The following CHRM2 variants were observed in gnomAD, a reference collection of about 807,000 sequenced individuals.
The protein encoded by CHRM2 is muscarinic acetylcholine receptor M2.
A neutral mutation model predicts 25.0 loss-of-function variants in CHRM2; 8 were observed. The ratio of observed to expected loss-of-function variants is 0.32; its 90% CI spans 0.19 to 0.58. The LOEUF is 0.58. Ranked by LOEUF, CHRM2 falls within the 20% of genes least tolerant of loss-of-function variation. The probability of loss-of-function intolerance (pLI) is 0.88; values close to 1 mark genes in which losing one functional copy is unlikely to be tolerated. For missense variants in CHRM2, 440 were observed against 567.1 expected (o/e 0.78, Z 2.28); for synonymous variants, 202 against 205.7 (o/e 0.98, Z 0.15).
chr7:136,878,832 A>G (rs2130491972), intron 2 of CHRM2, among the ~76,000 whole-genome samples: 1 of 151,966 alleles, frequency 6.6e-6, no homozygotes, highest in East Asian at 1.9e-4. Context: ...ATCAGTTTTT[A>G]ATGTTTTTTG....
chr7:136,999,996 T>C (rs1388697123), intron 3 of CHRM2, among the ~76,000 whole-genome samples: 1 of 152,008 alleles, frequency 6.6e-6, no homozygotes, highest in Non-Finnish European at 1.5e-5. Context: ...CATGAATATG[T>C]TTTCTAAATA....
chr7:136,901,628 C>T (rs182488663), intron 2 of CHRM2, among the ~76,000 whole-genome samples: 411 of 151,950 alleles, frequency 2.7e-3, no homozygotes, highest in Non-Finnish European at 4.5e-3. Flanking sequence ...TCCCCCATTT[C>T]CATTGTTATT....
In CHRM2 at chr7:137,009,032, C is replaced by T. The variant is rs189357480; in HGVS notation, c.-46-5788C>T. Among the ~76,000 whole-genome samples, 184 of 152,084 alleles carry T rather than the reference C, an allele frequency of 1.2e-3. 2 individuals carry two copies. The highest frequency in any genetic ancestry group is 2.8e-4 in the Non-Finnish European group (19 of 67,970). ...AAGATAATAGTCATTCTTTTCAGGG[C>T]TATTGTGAGAATTAAATAAAATAAC... On this transcript the variant is annotated intron_variant, in intron 3 of 3. Coordinates refer to ENST00000680005, the MANE Select transcript of CHRM2 (RefSeq NM_001006630.2).
chr7:136,967,053 A>G (rs1429936032), intron 2 of CHRM2, among the ~76,000 whole-genome samples: 6 of 151,876 alleles, frequency 4.0e-5, no homozygotes, highest in Non-Finnish European at 7.4e-5. Flanking sequence ...GATTCACAAG[A>G]AAAAAATTCA....
intron 2 of CHRM2, among the ~76,000 whole-genome samples, chr7:136,910,062 T>C (rs1419948991): frequency 3.3e-5 from 5 of 151,508 alleles, no homozygotes; most frequent in African/African-American, 7.3e-5. Flanking sequence ...TTAGCCAAGG[T>C]GAGGGGTTGG....
At chr7:136,924,552 C>T (rs576208705) in intron 2 of CHRM2, among the ~76,000 whole-genome samples, 4 of 152,160 alleles carry the variant, frequency 2.6e-5, no homozygotes, top group African/African-American at 7.2e-5. Flanking sequence ...CTATTAAATA[C>T]CACCCCGCTG....
chr7:136,974,968 T>A (rs545285646), intron 2 of CHRM2, among the ~76,000 whole-genome samples: 2 of 152,134 alleles, frequency 1.3e-5, no homozygotes, highest in South Asian at 4.1e-4. Flanking sequence ...AAAGAAATAG[T>A]ATGTTATGGG....
chr7:136,926,281 T>A (rs1798745831), intron 2 of CHRM2, among the ~76,000 whole-genome samples: 1 of 151,878 alleles, frequency 6.6e-6, no homozygotes, highest in African/African-American at 2.4e-5. Flanking sequence ...TAAATAAAAA[T>A]TTAAAATTAA....
chr7:136,887,735 G>A (rs1224913526), intron 2 of CHRM2, among the ~76,000 whole-genome samples: 1 of 152,132 alleles, frequency 6.6e-6, no homozygotes, highest in Admixed American at 6.5e-5. Flanking sequence ...CTCAGAAAAG[G>A]AGATAAAGAA....
intron 2 of CHRM2, among the ~76,000 whole-genome samples, chr7:136,917,561 C>T (rs993027462): frequency 1.3e-5 from 2 of 152,004 alleles, no homozygotes; most frequent in African/African-American, 2.4e-5. Context: ...ATATTGCACA[C>T]ATTTACTACT....
chr7:136,984,884 C>T (rs1051087012), intron 2 of CHRM2, among the ~76,000 whole-genome samples: 1 of 152,114 alleles, frequency 6.6e-6, no homozygotes, highest in African/African-American at 2.4e-5. Context: ...AGAGCTGTTC[C>T]TATTCAGCTA....
At position 136,869,650 on chromosome 7, in the gene CHRM2, G is replaced by C. The variant is rs1417205350; in HGVS notation, c.-125+232G>C. On this transcript the variant is annotated intron_variant, in intron 2 of 3. Transcript: ENST00000680005. This position sits in a 1 kb window ranked among gnomAD's most constrained non-coding sequence, Gnocchi z 4.9. ...GAAAGGAAGGGGCAAACGAGGCACA[G>C]CGCGAGGCGAGGTACCCCTACGATT... Among the ~76,000 whole-genome samples, 3 of 152,200 alleles carry C rather than the reference G, an allele frequency of 2.0e-5. No homozygotes were observed. Among genetic ancestry groups the C allele is most frequent in the African/African-American group, 7.2e-5 (3 of 41,474 alleles).
At position 136,916,521 on chromosome 7, in the gene CHRM2, C is replaced by A. The variant is rs1177407929; in HGVS notation, c.-125+47103C>A. Among the ~76,000 whole-genome samples the A allele has an allele frequency of 2.0e-5, 3 of 151,448 alleles. 1 individual carries two copies. The highest frequency in any genetic ancestry group is 4.1e-4 in the South Asian group (2 of 4,820). On this transcript the variant is annotated intron_variant, in intron 2 of 3. Transcript: ENST00000680005. Reference sequence around the variant, plus strand: ...TATGCCTACTCTGTTTCTGTTCTCGCAAGATTTTTTCTGTATTCTAATTTT... The same window carrying A: ...TATGCCTACTCTGTTTCTGTTCTCGAAAGATTTTTTCTGTATTCTAATTTT...
At chr7:136,990,346 T>C (rs1173376054) in intron 2 of CHRM2, among the ~76,000 whole-genome samples, 1 of 152,116 alleles carries the variant, frequency 6.6e-6, no homozygotes, top group Non-Finnish European at 1.5e-5. Flanking sequence ...TTCACTGCCA[T>C]AAAAGTCCTC....
At chr7:136,896,963 G>A (rs553999640) in intron 2 of CHRM2, among the ~76,000 whole-genome samples, 1 of 152,182 alleles carries the variant, frequency 6.6e-6, no homozygotes, top group South Asian at 2.1e-4. Flanking sequence ...AAAGAGGGAA[G>A]ACTGAAAAGA....
chr7:136,987,965 G>A (rs1286314096), intron 2 of CHRM2, among the ~76,000 whole-genome samples: 1 of 151,594 alleles, frequency 6.6e-6, no homozygotes, highest in Non-Finnish European at 1.5e-5. Context: ...AAAATGAGAA[G>A]GAACATTGTG....
At chr7:136,923,456 C>T (rs757818756) in intron 2 of CHRM2, among the ~76,000 whole-genome samples, 4 of 152,054 alleles carry the variant, frequency 2.6e-5, no homozygotes, top group Non-Finnish European at 5.9e-5. Flanking sequence ...AGCCAAGCAA[C>T]TGATGAGCTG....
At chr7:136,939,668 T>C (rs1414379710) in intron 2 of CHRM2, among the ~76,000 whole-genome samples, 1 of 152,226 alleles carries the variant, frequency 6.6e-6, no homozygotes, top group Non-Finnish European at 1.5e-5. Context: ...TAGTGGGACT[T>C]ACTCTGTTTT....
At chr7:136,958,448 CTTT>C (rs56127104) in intron 2 of CHRM2, among the ~76,000 whole-genome samples, 5,756 of 91,316 alleles carry the variant, frequency 0.063, 75 homozygotes, top group African/African-American at 0.08. Flanking sequence ...GCAGTGTCAT[CTTT>C]TTTTTTTTTT....
Sources: allele counts gnomAD v4.1 joint callset (sites outside exome capture counted in the v4.1 genomes callset), GRCh38; gene constraint gnomAD v4.1.1; non-coding constraint Gnocchi (gnomAD v3.1); transcripts MANE v1.5; gene names NCBI Gene and HGNC (gene_info 2026-07-23, HGNC 2026-07-21).